HNRNPM: variants seen among roughly 807,000 people sequenced by gnomAD.
The protein encoded by HNRNPM is CEA receptor.
A neutral mutation model predicts 73.1 loss-of-function variants in HNRNPM; 11 were observed. That is an observed-to-expected ratio of 0.15 (90% CI 0.09 to 0.25). The LOEUF is 0.25. Among genes scored for constraint, HNRNPM ranks in the 10% least tolerant of loss-of-function variants. The pLI is 1.00. For missense variants in HNRNPM, 789 were observed against 1,067.9 expected (o/e 0.74, Z 3.64); for synonymous variants, 407 against 355.2 (o/e 1.15, Z -1.64).
intron 2 of HNRNPM, 77 bp downstream of exon 2, chr19:8,455,651 T>C: frequency 7.8e-7 from 1 of 1,285,412 alleles, no homozygotes; most frequent in South Asian, 1.3e-5. Flanking sequence ...TGGTTATTTT[T>C]GGTCAGTGGA....
At position 8,485,682 on chromosome 19, in the gene HNRNPM, C is replaced by T. The variant is rs763944952; in HGVS notation, c.1254C>T (p.Arg418=). 1 of 1,608,244 alleles carries T rather than the reference C, an allele frequency of 6.2e-7. No homozygotes were observed. Among genetic ancestry groups the T allele is most frequent in the Non-Finnish European group, 8.5e-7 (1 of 1,179,750 alleles). The stretch of plus-strand genomic sequence containing the variant: ...GCCTCGGGGGTGCCGGCATGGAGCG[C>T]ATGGGCGCGGGCCTGGGCCACGGCA... ...IDRLGGAGME[R]MGAGLGHGMD... is the part of the protein sequence containing the mutation. Residue 418 remains arginine (R), a synonymous_variant, in exon 14 of 16, where the codon CGC becomes CGT. Coordinates refer to ENST00000325495, the MANE Select transcript of HNRNPM (RefSeq NM_005968.5).
chr19:8,477,617 A>C (rs1970600567), intron 12 of HNRNPM, among the ~76,000 whole-genome samples: 1 of 147,882 alleles, frequency 6.8e-6, no homozygotes, highest in Admixed American at 6.8e-5. Flanking sequence ...ACGCCACTGC[A>C]TTCCAGCTTG....
At chr19:8,456,494 A>G (rs1023534560) in intron 2 of HNRNPM, among the ~76,000 whole-genome samples, 2 of 152,216 alleles carry the variant, frequency 1.3e-5, no homozygotes, top group Non-Finnish European at 2.9e-5. Flanking sequence ...CCTAGACTCA[A>G]ACTACCCTTC....
At chr19:8,483,116 A>G in intron 12 of HNRNPM, 42 bp from the exon 13 acceptor site, 1 of 1,285,026 alleles carries the variant, frequency 7.8e-7, no homozygotes, top group South Asian at 1.2e-5. Flanking sequence ...CTATTGCCAT[A>G]GAGGAATTTG....
chr19:8,468,190 G>C (rs550873695), intron 8 of HNRNPM, among the ~76,000 whole-genome samples: 55 of 152,244 alleles, frequency 3.6e-4, no homozygotes, highest in African/African-American at 1.3e-3. Context: ...ATATATGTGG[G>C]GTTCCAGTTT....
At chr19:8,486,855 G>A (rs1042490855) in intron 14 of HNRNPM, among the ~76,000 whole-genome samples, 169 bp from the exon 15 acceptor site, 2 of 152,208 alleles carry the variant, frequency 1.3e-5, no homozygotes, top group Non-Finnish European at 2.9e-5. Flanking sequence ...CCGCTTCACA[G>A]CCTTGTCCCA....
rs1279132595 is a variant in HNRNPM at position 8,471,464 on chromosome 19, G to A, written c.997+37G>A. 1.1e-5 allele frequency: 14 copies of A among 1,322,208 alleles called. No homozygotes were observed. In the Admixed American group the frequency reaches 2.7e-4, roughly 25 times the overall value. The allele number at this position is 1,322,208 out of a possible 1,614,324, so 81.9% of individuals were successfully genotyped here. A position where few individuals can be genotyped will look rare whatever the true frequency, so the allele number is the denominator to read the frequency against. ...AGTGCACCTTGCTTGGTGGTTTGGG[G>A]AAGTGAAAATTATTAATTATTGGGA... On this transcript the variant is annotated intron_variant, in intron 10 of 15. Coordinates refer to ENST00000325495, the MANE Select transcript of HNRNPM (RefSeq NM_005968.5).
chr19:8,469,466 T>C (rs1256901415), intron 9 of HNRNPM, among the ~76,000 whole-genome samples: 2 of 152,358 alleles, frequency 1.3e-5, no homozygotes, highest in Middle Eastern at 3.4e-3. Flanking sequence ...AACCACCGAA[T>C]ACTTTGAGTT....
intron 3 of HNRNPM, among the ~76,000 whole-genome samples, chr19:8,463,057 G>A (rs1158109787): frequency 1.3e-5 from 2 of 152,170 alleles, no homozygotes; most frequent in Non-Finnish European, 2.9e-5. Context: ...AATTGGCCTA[G>A]TTTAAAGAGA....
At chr19:8,465,627 G>A (rs1287507430) in intron 6 of HNRNPM, 112 bp downstream of exon 6, 1 of 797,030 alleles carries the variant, frequency 1.3e-6, no homozygotes, top group Non-Finnish European at 2.0e-6. Flanking sequence ...GTAAAGAAGG[G>A]TTTTGTTCTT....
Position 8,452,057 on chromosome 19 carries a change from C to T in HNRNPM, c.114-3348C>T, listed in dbSNP as rs540009314. Among the ~76,000 whole-genome samples the T allele has an allele frequency of 1.3e-3, 193 of 152,244 alleles. 1 individual carries two copies. The highest frequency in any genetic ancestry group is 2.5e-3 in the Non-Finnish European group (173 of 68,018). On this transcript the variant is annotated intron_variant, in intron 1 of 15. Transcript: ENST00000325495. Reference sequence around the variant, plus strand: ...TGTGCCCATTAAGCATGGTGAGAGCCGCTTTCTCAATGGTGAGTCATGTGA... The same window carrying T: ...TGTGCCCATTAAGCATGGTGAGAGCTGCTTTCTCAATGGTGAGTCATGTGA...
At chr19:8,456,391 T>G (rs1172320008) in intron 2 of HNRNPM, among the ~76,000 whole-genome samples, 1 of 152,208 alleles carries the variant, frequency 6.6e-6, no homozygotes, top group East Asian at 1.9e-4. Flanking sequence ...TGGTGGCACT[T>G]AGGACTAAAG....
rs775552152 is a variant in HNRNPM, at chr19:8,462,975, A to C, written c.336+394A>C. On this transcript the variant is annotated intron_variant, in intron 3 of 15. Coordinates refer to ENST00000325495, the MANE Select transcript of HNRNPM (RefSeq NM_005968.5). The surrounding 1 kb of genome is among the most constrained non-coding windows in gnomAD (Gnocchi z 4.5). Reference sequence around the variant, plus strand: ...GTTTGCTGAATTTGAAAGTTGTGTGAACCAAAGATTCCGAAAAGTTGCCTT... The same window carrying C: ...GTTTGCTGAATTTGAAAGTTGTGTGCACCAAAGATTCCGAAAAGTTGCCTT... Among the ~76,000 whole-genome samples, 17 of 152,368 alleles carry C rather than the reference A, an allele frequency of 1.1e-4. No homozygotes were observed. Among genetic ancestry groups the C allele is most frequent in the Middle Eastern group, 6.8e-3 (2 of 294 alleles).
At position 8,488,911 on chromosome 19, in the gene HNRNPM, T is replaced by TA; in HGVS notation, c.*59dup. On this transcript the variant is annotated 3_prime_UTR_variant, in exon 16 of 16. Coordinates refer to ENST00000325495, the MANE Select transcript of HNRNPM (RefSeq NM_005968.5). ...CCTCTGAATTTGTATTTTTTCTTGT[T>TA]AACCATTTTAATTTGTTGGCTGGAT... is the stretch of plus-strand genomic sequence containing the variant. The TA allele has an allele frequency of 6.9e-7, 1 of 1,458,252 alleles. No individual in the cohort carries two copies. The highest frequency in any genetic ancestry group is 9.3e-7 in the Non-Finnish European group (1 of 1,072,042). The allele number at this position is 1,458,252 out of a possible 1,614,324, so 90.3% of individuals were successfully genotyped here.
At chr19:8,469,789 T>C (rs1036320618) in intron 9 of HNRNPM, among the ~76,000 whole-genome samples, 3 of 152,122 alleles carry the variant, frequency 2.0e-5, no homozygotes, top group Admixed American at 2.0e-4. Flanking sequence ...ACCAGGCGGG[T>C]TGAGGGGGCC....
chr19:8,481,872 G>A (rs938164482), intron 12 of HNRNPM, among the ~76,000 whole-genome samples: 1 of 152,072 alleles, frequency 6.6e-6, no homozygotes, highest in Admixed American at 6.5e-5. Flanking sequence ...GTGTCTCTTG[G>A]TGAACTTTCC....
At chr19:8,466,854 G>T (rs899443752) in intron 7 of HNRNPM, among the ~76,000 whole-genome samples, 41 of 92,702 alleles carry the variant, frequency 4.4e-4, no homozygotes, top group Non-Finnish European at 8.1e-4. Context: ...AAAAAAAAAG[G>T]TTCTCTGGGG....
chr19:8,447,575 G>T (rs1297509193), intron 1 of HNRNPM, among the ~76,000 whole-genome samples: 1 of 152,066 alleles, frequency 6.6e-6, no homozygotes, highest in African/African-American at 2.4e-5. Flanking sequence ...AGAGATTTGA[G>T]TGTATGCTTT....
In HNRNPM at chr19:8,488,861, G is replaced by A; in HGVS notation, c.*7G>A. On this transcript the variant is annotated 3_prime_UTR_variant, in exon 16 of 16. Transcript: ENST00000325495. ...AATTGATAGAAACGCTTAAGCAGTT[G>A]CCTTTTTTAAACATCGATACGAGAC... 6 of 1,601,842 alleles carry A rather than the reference G, an allele frequency of 3.7e-6. No homozygotes were observed. The highest frequency in any genetic ancestry group is 5.1e-6 in the Non-Finnish European group (6 of 1,171,066).
Sources: gnomAD v4.1 joint callset for allele counts (sites outside exome capture counted in the v4.1 genomes callset) on GRCh38, gnomAD v4.1.1 for gene constraint, Gnocchi (gnomAD v3.1) non-coding constraint, MANE v1.5 for transcripts, NCBI Gene and HGNC (gene_info 2026-07-23, HGNC 2026-07-21) for gene names.